Variants in CDC20B observed in about 807,000 individuals in gnomAD.
The protein encoded by CDC20B is cell division cycle 20B.
In CDC20B, 58 loss-of-function variants were observed where a neutral mutation model predicts 64.1. That is an observed-to-expected ratio of 0.90 (90% CI 0.73 to 1.13). The LOEUF (loss-of-function observed/expected upper bound fraction) is 1.13, where lower values mean the gene tolerates loss of function less well. Among genes scored for constraint, CDC20B ranks in the 50% most tolerant of loss-of-function variants. The pLI, the probability that CDC20B is intolerant of heterozygous loss-of-function variation, is 0.00. For synonymous variants in CDC20B, 243 were observed against 230.6 expected (o/e 1.05, Z -0.49); for missense variants, 597 against 633.0 (o/e 0.94, Z 0.61).
intron 2 of CDC20B, among the ~76,000 whole-genome samples, chr5:55,169,857 T>C (rs1452898130): frequency 6.6e-6 from 1 of 152,220 alleles, no homozygotes; most frequent in Non-Finnish European, 1.5e-5. Context: ...CTCACGCCTG[T>C]AATCCCAGCA....
intron 2 of CDC20B, among the ~76,000 whole-genome samples, chr5:55,171,524 C>T (rs1744598928): frequency 6.6e-6 from 1 of 152,150 alleles, no homozygotes; most frequent in South Asian, 2.1e-4. Flanking sequence ...AATTAGTTTT[C>T]TCCTACTAGA....
chr5:55,141,833 G>A (rs1231829615), intron 4 of CDC20B, among the ~76,000 whole-genome samples: 7 of 152,162 alleles, frequency 4.6e-5, no homozygotes, highest in Admixed American at 4.6e-4. Context: ...GAGCTGTTCT[G>A]TGCATTGTAG....
intron 2 of CDC20B, chr5:55,163,983 G>T: frequency 8.8e-7 from 1 of 1,133,482 alleles, no homozygotes. Context: ...CATTTATGCA[G>T]ATACTAATAG....
rs561404136 is a variant in CDC20B at position 55,119,929 on chromosome 5, G to C, written c.1342-11C>G. The C allele has an allele frequency of 6.4e-7, 1 of 1,567,470 alleles. No individual in the cohort carries two copies. Among genetic ancestry groups the C allele is most frequent in the African/African-American group, 1.4e-5 (1 of 74,068 alleles). On this transcript the variant is annotated splice_polypyrimidine_tract_variant and intron_variant, in intron 10 of 11. Coordinates refer to ENST00000381375, the MANE Select transcript of CDC20B (RefSeq NM_001170402.1). ...GATTAAGGAACAAATCTGTAATAATGATCAAAAATAGAGAATTCTTGCAAT... is the reference window on the plus strand; with the variant it reads ...GATTAAGGAACAAATCTGTAATAATCATCAAAAATAGAGAATTCTTGCAAT...
At chr5:55,160,541 A>G in intron 2 of CDC20B, 1 of 608,510 alleles carries the variant, frequency 1.6e-6, no homozygotes, top group Non-Finnish European at 2.9e-6. Flanking sequence ...CACTTTAGTT[A>G]TTACAGTTCT....
intron 11 of CDC20B, among the ~76,000 whole-genome samples, chr5:55,115,920 C>T (rs916114962): frequency 6.6e-6 from 1 of 152,142 alleles, no homozygotes; most frequent in Non-Finnish European, 1.5e-5. Flanking sequence ...CACACACGCA[C>T]CAGTAAAGGA....
At chr5:55,131,432 G>T (rs1221915126) in intron 6 of CDC20B, among the ~76,000 whole-genome samples, 1 of 152,170 alleles carries the variant, frequency 6.6e-6, no homozygotes, top group Non-Finnish European at 1.5e-5. Flanking sequence ...CCAACATTTA[G>T]AGGTCAGGGA....
At chr5:55,163,950 C>T (rs1744232642) in intron 2 of CDC20B, 2 of 854,522 alleles carry the variant, frequency 2.3e-6, no homozygotes, top group South Asian at 2.6e-5. Context: ...TATGACAGTC[C>T]TAGAACTTGA....
At position 55,120,528 on chromosome 5, in the gene CDC20B, T is replaced by C. The variant is rs745520452; in HGVS notation, c.1238A>G (p.Gln413Arg). 1.2e-6 allele frequency: 2 copies of C among 1,613,758 alleles called. No individual in the cohort carries two copies. The highest frequency in any genetic ancestry group is 2.2e-5 in the South Asian group (2 of 91,050). Residue 413 changes from glutamine to arginine, a missense_variant, in exon 10 of 12, where the codon CAG becomes CGG. By Grantham distance (43) the Gln-to-Arg change is conservative (BLOSUM62 1). This residue lies in a region of CDC20B where 353 missense variants were observed against 397.0 expected (regional missense o/e 0.89). Transcript: ENST00000381375. ...AVKAMDWCPW[Q>R]SGVLAIGGGM... ...TCCTCCAATGGCAAGGACCCCAGAC[T>C]GCCAGGGACACCAATCCATGGCCTT...
chr5:55,146,216 A>C (rs1229068109), intron 3 of CDC20B, among the ~76,000 whole-genome samples: 2 of 152,150 alleles, frequency 1.3e-5, no homozygotes, highest in African/African-American at 2.4e-5. Flanking sequence ...GCTGAGCTTC[A>C]GTCAATCACA....
chr5:55,154,822 A>C (rs953096720), intron 2 of CDC20B, among the ~76,000 whole-genome samples: 1 of 152,220 alleles, frequency 6.6e-6, no homozygotes, highest in Non-Finnish European at 1.5e-5. Context: ...CCTTAGAAAA[A>C]TTAATTTTAG....
intron 6 of CDC20B, among the ~76,000 whole-genome samples, chr5:55,130,848 C>T (rs987455352): frequency 6.6e-6 from 1 of 152,210 alleles, no homozygotes; most frequent in African/African-American, 2.4e-5. Context: ...AGGCCAGACA[C>T]AGTGTCTCAC....
chr5:55,142,153 G>C (rs544507816), intron 4 of CDC20B, among the ~76,000 whole-genome samples: 1 of 152,112 alleles, frequency 6.6e-6, no homozygotes, highest in African/African-American at 2.4e-5. Flanking sequence ...ACTTTAATCA[G>C]CAACTTAATA....
chr5:55,164,091 A>G, intron 2 of CDC20B: 1 of 1,597,710 alleles, frequency 6.3e-7, no homozygotes, highest in Non-Finnish European at 8.5e-7. Flanking sequence ...AATTTTTGGA[A>G]GTATCTTGTC....
chr5:55,164,169 T>G, intron 2 of CDC20B: 1 of 1,594,822 alleles, frequency 6.3e-7, no homozygotes, highest in African/African-American at 1.3e-5. Context: ...AGGCCTGACA[T>G]AGCAGCTCTG....
At chr5:55,155,278 G>T (rs1196686853) in intron 2 of CDC20B, among the ~76,000 whole-genome samples, 4 of 152,156 alleles carry the variant, frequency 2.6e-5, no homozygotes, top group Non-Finnish European at 5.9e-5. Context: ...GGAAGTAGCA[G>T]AATGAAACAA....
intron 7 of CDC20B, among the ~76,000 whole-genome samples, chr5:55,127,752 A>G (rs1742931098): frequency 6.6e-6 from 1 of 152,204 alleles, no homozygotes; most frequent in African/African-American, 2.4e-5. Flanking sequence ...TCCTAGAATC[A>G]GTAATTCCAC....
intron 2 of CDC20B, among the ~76,000 whole-genome samples, chr5:55,171,776 C>CA (rs1389241017): frequency 6.6e-6 from 1 of 152,082 alleles, no homozygotes; most frequent in Non-Finnish European, 1.5e-5. Context: ...CTAATTTTTG[C>CA]AGTTTTTTTA....
At chr5:55,168,770 A>C (rs1012868667) in intron 2 of CDC20B, among the ~76,000 whole-genome samples, 1 of 152,208 alleles carries the variant, frequency 6.6e-6, no homozygotes, top group Admixed American at 6.6e-5. Flanking sequence ...GGAGCTAAAC[A>C]ATGGGTACAC....
Sources: gnomAD v4.1 joint callset for allele counts (sites outside exome capture counted in the v4.1 genomes callset) on GRCh38, gnomAD v4.1.1 for gene constraint, gnomAD v4.1.1 regional missense constraint, MANE v1.5 for transcripts, NCBI Gene and HGNC (gene_info 2026-07-23, HGNC 2026-07-21) for gene names.